RIPOR2: variants seen among roughly 807,000 people sequenced by gnomAD.
RIPOR2 encodes the protein rho family-interacting cell polarization regulator 2.
RIPOR2 carries 39 observed loss-of-function variants against 114.5 expected under a neutral mutation model. That is an observed-to-expected ratio of 0.34 (90% CI 0.26 to 0.44). The LOEUF is 0.44. Ranked by LOEUF, RIPOR2 falls within the 20% of genes least tolerant of loss-of-function variation. RIPOR2 has a pLI of 1.00. For synonymous variants in RIPOR2, 445 were observed against 484.4 expected (o/e 0.92, Z 1.07); for missense variants, 1,007 against 1,255.1 (o/e 0.80, Z 2.99).
At chr6:24,812,309 G>C (rs965341615) in intron 20 of RIPOR2, among the ~76,000 whole-genome samples, 1 of 48,370 alleles carries the variant, frequency 2.1e-5, no homozygotes, top group African/African-American at 4.1e-5. Context: ...GTGTAAAAGT[G>C]TTCCTATTTC....
chr6:25,018,936 T>C (rs1260981741), intron 1 of RIPOR2, among the ~76,000 whole-genome samples: 1 of 152,130 alleles, frequency 6.6e-6, no homozygotes, highest in Non-Finnish European at 1.5e-5. Flanking sequence ...GACTGCAAAA[T>C]AGTGATGGTA....
chr6:24,909,712 G>A (rs1167235860), intron 1 of RIPOR2, among the ~76,000 whole-genome samples: 3 of 152,054 alleles, frequency 2.0e-5, no homozygotes, highest in Admixed American at 1.3e-4. Context: ...GACGTAAGAG[G>A]GTAGGAAGTG....
intron 1 of RIPOR2, among the ~76,000 whole-genome samples, chr6:24,885,544 A>G (rs562428153): frequency 4.6e-5 from 7 of 152,304 alleles, no homozygotes; most frequent in Admixed American, 1.3e-4. Context: ...CTATTTCTTA[A>G]TCTTCCAAGG....
chr6:24,838,386 G>T (rs1234490488), intron 14 of RIPOR2, among the ~76,000 whole-genome samples: 2 of 152,184 alleles, frequency 1.3e-5, no homozygotes, highest in Non-Finnish European at 1.5e-5. Context: ...GTGCAAGCCA[G>T]GGAGAACCAG....
chr6:24,935,030 G>A (rs1445721570), intron 1 of RIPOR2, among the ~76,000 whole-genome samples: 9 of 152,104 alleles, frequency 5.9e-5, no homozygotes, highest in Admixed American at 3.9e-4. Flanking sequence ...GACCCAGGCC[G>A]GGCATGGTAG....
chr6:24,997,432 G>A (rs1775096780), intron 1 of RIPOR2, among the ~76,000 whole-genome samples: 1 of 152,178 alleles, frequency 6.6e-6, no homozygotes, highest in Non-Finnish European at 1.5e-5. Context: ...GGAAACTGCA[G>A]TCCTTACAGC....
rs34540028 is a variant in RIPOR2, at chr6:24,843,698, CGTGTGTGT to C, written c.1165-152_1165-145del. On this transcript the variant is annotated intron_variant, in intron 12 of 21. Transcript: ENST00000643898. ...ATGTTAGCATTTTATTTGTTGATGC[CGTGTGTGT>C]GTGTGTGTGTGTGTGTGTGTGTGTG... 0.019 allele frequency: 7,001 copies of C among 366,294 alleles called. 8 individuals carry two copies. Among genetic ancestry groups the C allele is most frequent in the Middle Eastern group, 0.033 (47 of 1,414 alleles). The allele number at this position is 366,294 out of a possible 1,614,324, so 22.7% of individuals were successfully genotyped here.
chr6:24,837,647 C>A (rs574347998), intron 14 of RIPOR2, among the ~76,000 whole-genome samples: 1 of 152,070 alleles, frequency 6.6e-6, no homozygotes, highest in East Asian at 1.9e-4. Context: ...TGAGTTCAAG[C>A]AGTCCTCTGG....
At chr6:25,032,485 G>T (rs1180134092) in intron 1 of RIPOR2, among the ~76,000 whole-genome samples, 1 of 152,076 alleles carries the variant, frequency 6.6e-6, no homozygotes, top group Non-Finnish European at 1.5e-5. Context: ...GATTGGAAAT[G>T]GTCTTCTTTC....
chr6:25,017,189 A>T (rs1776050269), intron 1 of RIPOR2, among the ~76,000 whole-genome samples: 1 of 152,144 alleles, frequency 6.6e-6, no homozygotes, highest in African/African-American at 2.4e-5. Context: ...AAAATACAAA[A>T]ATTAGCCAGG....
intron 1 of RIPOR2, among the ~76,000 whole-genome samples, chr6:25,011,804 T>C (rs1204673450): frequency 6.6e-6 from 1 of 152,196 alleles, no homozygotes; most frequent in African/African-American, 2.4e-5. Context: ...GGAGTATTCT[T>C]TGTGACCTGG....
chr6:24,821,350 T>G (rs1032391834), intron 19 of RIPOR2, among the ~76,000 whole-genome samples: 1 of 151,406 alleles, frequency 6.6e-6, no homozygotes, highest in Non-Finnish European at 1.5e-5. Context: ...GCCCAGCTAA[T>G]TTTTTGTATT....
chr6:24,963,082 G>T (rs953647980), intron 1 of RIPOR2, among the ~76,000 whole-genome samples: 2 of 152,092 alleles, frequency 1.3e-5, no homozygotes, highest in Non-Finnish European at 2.9e-5. Flanking sequence ...TTGTCTCCCA[G>T]GCTGGAATAC....
At chr6:24,851,990 A>AC in intron 9 of RIPOR2, among the ~76,000 whole-genome samples, 1 of 109,702 alleles carries the variant, frequency 9.1e-6, no homozygotes, top group East Asian at 3.1e-4. Context: ...GGTGGCTCAC[A>AC]CCTGTAATCC....
At chr6:24,946,487 C>T (rs1300860285) in intron 1 of RIPOR2, among the ~76,000 whole-genome samples, 1 of 152,026 alleles carries the variant, frequency 6.6e-6, no homozygotes, top group Non-Finnish European at 1.5e-5. Context: ...TCAGGAGAGT[C>T]GCTTGAACCT....
chr6:24,847,425 C>G, intron 12 of RIPOR2: 1 of 1,054,732 alleles, frequency 9.5e-7, no homozygotes, highest in South Asian at 1.7e-5. Context: ...AAGGACAGTA[C>G]AGCTGTAACC....
intron 1 of RIPOR2, among the ~76,000 whole-genome samples, chr6:25,014,419 G>T (rs550042897): frequency 2.6e-5 from 4 of 152,262 alleles, no homozygotes; most frequent in Admixed American, 1.3e-4. Flanking sequence ...GAAGCAGCTG[G>T]TATTTATTTG....
rs961135416 is a variant in RIPOR2, at chr6:24,845,263, G to A, written c.1165-1709C>T. ...TCCTCTTCCTCCCCTCCAAGCTTGT[G>A]TATTTCAGTTTCTTCCCTCCCGTAT... On this transcript the variant is annotated intron_variant, in intron 12 of 21. Transcript: ENST00000643898. Among the ~76,000 whole-genome samples the A allele has an allele frequency of 2.6e-5, 4 of 152,102 alleles. No homozygotes were observed. The South Asian group carries it at 6.2e-4, about 24-fold the overall frequency.
At chr6:25,041,916 G>GTTA (rs955177552) in exon 1 of RIPOR2, 5 of 702,756 alleles carry the variant, frequency 7.1e-6, no homozygotes, top group Non-Finnish European at 1.3e-5. Flanking sequence ...TAATCGCGAA[G>GTTA]GTAACACCAT....
Sources: gnomAD v4.1 joint callset for allele counts (sites outside exome capture counted in the v4.1 genomes callset) on GRCh38, gnomAD v4.1.1 for gene constraint, MANE v1.5 for transcripts, NCBI Gene and HGNC (gene_info 2026-07-23, HGNC 2026-07-21) for gene names.